The following FCHSD2 variants were observed in gnomAD, a reference collection of about 807,000 sequenced individuals.
FCHSD2 encodes the protein FCH and double SH3 domains 2.
In FCHSD2, 38 loss-of-function variants were observed where a neutral mutation model predicts 108.1. The observed-to-expected ratio is 0.35, with a 90% CI of 0.27 to 0.46. FCHSD2 has a LOEUF of 0.46. Ranked by LOEUF, FCHSD2 falls within the 20% of genes least tolerant of loss-of-function variation. FCHSD2 has a pLI of 1.00. For missense variants in FCHSD2, 751 were observed against 897.8 expected (o/e 0.84, Z 2.09); for synonymous variants, 279 against 314.7 (o/e 0.89, Z 1.20).
intron 5 of FCHSD2, among the ~76,000 whole-genome samples, chr11:72,990,583 G>A (rs1412371960): frequency 2.6e-5 from 4 of 152,138 alleles, no homozygotes; most frequent in African/African-American, 9.7e-5. Flanking sequence ...CATGCAAACT[G>A]AACAACCTGC....
At chr11:72,893,194 GT>G (rs746649659) in intron 10 of FCHSD2, among the ~76,000 whole-genome samples, 3 of 151,828 alleles carry the variant, frequency 2.0e-5, no homozygotes, top group Non-Finnish European at 2.9e-5. Context: ...AGAGATGGGG[GT>G]TTTGCTATGT....
intron 13 of FCHSD2, among the ~76,000 whole-genome samples, chr11:72,850,529 A>G (rs1861258017): frequency 6.7e-6 from 1 of 150,172 alleles, no homozygotes; most frequent in African/African-American, 2.5e-5. Context: ...AATTTTTTGT[A>G]TTTTTAGTAG....
intron 10 of FCHSD2, among the ~76,000 whole-genome samples, chr11:72,892,917 T>TG (rs1855347196): frequency 6.6e-6 from 1 of 151,344 alleles, no homozygotes; most frequent in African/African-American, 2.4e-5. Flanking sequence ...AATTTTTTTT[T>TG]TAAGACAGTG....
chr11:72,897,171 T>C (rs936044877), intron 10 of FCHSD2, among the ~76,000 whole-genome samples: 6 of 152,130 alleles, frequency 3.9e-5, no homozygotes, highest in African/African-American at 1.4e-4. Flanking sequence ...TTAACATCTA[T>C]TCTGACTCAA....
At chr11:73,044,102 T>C (rs1469513035) in intron 3 of FCHSD2, among the ~76,000 whole-genome samples, 1 of 152,186 alleles carries the variant, frequency 6.6e-6, no homozygotes, top group Admixed American at 6.5e-5. Context: ...TTACAACGGA[T>C]TCCAAATTTG....
intron 3 of FCHSD2, among the ~76,000 whole-genome samples, chr11:73,074,006 C>G (rs1302801987): frequency 1.3e-5 from 2 of 151,354 alleles, no homozygotes; most frequent in Non-Finnish European, 2.9e-5. Flanking sequence ...ATATAAAGGG[C>G]AATAATAGTA....
chr11:73,115,774 C>T (rs1251121688), intron 2 of FCHSD2, among the ~76,000 whole-genome samples: 1 of 152,222 alleles, frequency 6.6e-6, no homozygotes, highest in Non-Finnish European at 1.5e-5. Flanking sequence ...CTTCTTCTTC[C>T]AGATACCTCA....
At chr11:72,861,164 C>G (rs1000427749) in intron 13 of FCHSD2, among the ~76,000 whole-genome samples, 1 of 151,986 alleles carries the variant, frequency 6.6e-6, no homozygotes, top group African/African-American at 2.4e-5. Flanking sequence ...GCAGAATGAT[C>G]AGAAGAGAGG....
chr11:73,097,402 T>G (rs1860113191), intron 2 of FCHSD2, among the ~76,000 whole-genome samples: 2 of 151,266 alleles, frequency 1.3e-5, no homozygotes, highest in Admixed American at 1.3e-4. Flanking sequence ...TTTTTGCATC[T>G]CTCTTCACAA....
At chr11:72,900,151 A>G (rs1266816981) in intron 10 of FCHSD2, 4 of 659,484 alleles carry the variant, frequency 6.1e-6, no homozygotes, top group African/African-American at 5.5e-5. Context: ...AGGGCCTCTT[A>G]TACATGTATA....
intron 12 of FCHSD2, among the ~76,000 whole-genome samples, chr11:72,884,291 T>C (rs1855151530): frequency 1.3e-5 from 2 of 152,146 alleles, no homozygotes; most frequent in African/African-American, 2.4e-5. Flanking sequence ...TTGCAAAATA[T>C]AATAGTTGAA....
intron 3 of FCHSD2, among the ~76,000 whole-genome samples, chr11:73,032,344 T>A (rs968774929): frequency 1.3e-5 from 2 of 152,160 alleles, no homozygotes; most frequent in Admixed American, 6.5e-5. Context: ...TCTTCCCACC[T>A]CGGCTTCCCA....
rs774197870 is a variant in FCHSD2 at position 73,001,121 on chromosome 11, C to T, written c.256G>A (p.Val86Ile). The change falls in exon 5 of 20, where the codon GTT (valine) becomes ATT (isoleucine). Residue 86 changes from valine to isoleucine, a missense_variant. Val to Ile is a conservative substitution (Grantham distance 29). Coordinates refer to ENST00000409418, the MANE Select transcript of FCHSD2 (RefSeq NM_014824.3). The part of the protein sequence containing the change: ...DRNDYRSMYP[V>I]WKSFLEGTMQ... The stretch of plus-strand genomic sequence containing the variant: ...GTTCCCTCGAGAAAAGATTTCCAAA[C>T]GGGATACATGCTCCTAAATTCAAAG... 5.0e-6 allele frequency: 8 copies of T among 1,612,914 alleles called. No individual in the cohort carries two copies. The highest frequency in any genetic ancestry group is 4.5e-5 in the East Asian group (2 of 44,858).
In FCHSD2 at chr11:73,134,456, C is replaced by T. The variant is rs181728041; in HGVS notation, c.119+5575G>A. On this transcript the variant is annotated intron_variant, in intron 2 of 19. Transcript: ENST00000409418. ...CTGTGCTCCAGCTTGGGTGACAGGG[C>T]GAGACCCTGTCTCAAAAAAAAAAAG... Among the ~76,000 whole-genome samples the T allele has an allele frequency of 3.6e-3, 550 of 151,738 alleles. 5 individuals carry two copies. Among genetic ancestry groups the T allele is most frequent in the Non-Finnish European group, 4.5e-3 (308 of 67,906 alleles).
At chr11:73,138,829 A>C (rs1591586640) in intron 2 of FCHSD2, among the ~76,000 whole-genome samples, 1 of 152,258 alleles carries the variant, frequency 6.6e-6, no homozygotes, top group East Asian at 1.9e-4. Flanking sequence ...GCTGGTCTCG[A>C]ACTCCTGACC....
rs977314414 is a variant in FCHSD2 at position 72,855,347 on chromosome 11, G to A, written c.1309-5458C>T. 4.0e-5 allele frequency among the ~76,000 whole-genome samples: 6 copies of A among 150,384 alleles called. No individual in the cohort carries two copies. In the South Asian group the frequency reaches 8.4e-4, roughly 21 times the overall value. On this transcript the variant is annotated intron_variant, in intron 13 of 19. Transcript: ENST00000409418. ...AAAAAGTTGCTGGGTGTGGTGGCAG[G>A]TGCCTGTAATCCCAGCTGCTCAGGA...
At chr11:72,976,700 T>C (rs560324591) in intron 8 of FCHSD2, among the ~76,000 whole-genome samples, 18 of 152,206 alleles carry the variant, frequency 1.2e-4, no homozygotes, top group East Asian at 5.8e-4. Context: ...GGCATAAAAA[T>C]AGACTCACAG....
chr11:72,977,364 C>A (rs1381666854), intron 8 of FCHSD2, among the ~76,000 whole-genome samples: 1 of 152,026 alleles, frequency 6.6e-6, no homozygotes, highest in Non-Finnish European at 1.5e-5. Flanking sequence ...AACTTCTGCA[C>A]AGCAAAGTAA....
chr11:72,848,056 TG>T (rs1861193683), intron 14 of FCHSD2, among the ~76,000 whole-genome samples: 1 of 152,210 alleles, frequency 6.6e-6, no homozygotes, highest in Non-Finnish European at 1.5e-5. Context: ...CTTTTTGGTC[TG>T]GACTATAAGA....
Sources: allele counts gnomAD v4.1 joint callset (sites outside exome capture counted in the v4.1 genomes callset), GRCh38; gene constraint gnomAD v4.1.1; transcripts MANE v1.5; gene names NCBI Gene and HGNC (gene_info 2026-07-23, HGNC 2026-07-21).